Variants in CDH9 observed in about 807,000 individuals in gnomAD.
CDH9 encodes cadherin-9.
A neutral mutation model predicts 70.9 loss-of-function variants in CDH9; 28 were observed. That is an observed-to-expected ratio of 0.40 (90% CI 0.29 to 0.54). The LOEUF is 0.54. Among genes scored for constraint, CDH9 ranks in the 20% least tolerant of loss-of-function variants. The probability of loss-of-function intolerance (pLI) is 0.59; values close to 1 mark genes in which losing one functional copy is unlikely to be tolerated. For missense variants in CDH9, 874 were observed against 984.4 expected, an observed-to-expected ratio of 0.89 and a Z score of 1.50; for synonymous variants, 409 against 343.1, an observed-to-expected ratio of 1.19 and a Z score of -2.12.
chr5:26,903,588 C>T (rs200248466), intron 6 of CDH9, 49 bp downstream of exon 6: 85 of 1,250,096 alleles, frequency 6.8e-5, no homozygotes, highest in Admixed American at 1.3e-4. Context: ...GAAAAGCAAA[C>T]GTAAATTATA....
chr5:27,034,811 G>A (rs1007702108), intron 1 of CDH9, among the ~76,000 whole-genome samples: 1 of 151,630 alleles, frequency 6.6e-6, no homozygotes, highest in Non-Finnish European at 1.5e-5. Flanking sequence ...GCTAAATTTA[G>A]GGATAAGTGC....
chr5:26,982,601 G>A (rs1038175695), intron 2 of CDH9, among the ~76,000 whole-genome samples: 26 of 152,264 alleles, frequency 1.7e-4, no homozygotes, highest in African/African-American at 6.3e-4. Flanking sequence ...CAGAGTGAAA[G>A]CCCAAATGTC....
chr5:27,030,900 ATT>A (rs891486427), intron 1 of CDH9, among the ~76,000 whole-genome samples: 2 of 151,834 alleles, frequency 1.3e-5, no homozygotes, highest in South Asian at 2.1e-4. Flanking sequence ...TATTATTTGA[ATT>A]TTTTTAGTGT....
chr5:27,023,151 C>T (rs1427304631), intron 1 of CDH9, among the ~76,000 whole-genome samples: 1 of 151,920 alleles, frequency 6.6e-6, no homozygotes, highest in South Asian at 2.1e-4. Flanking sequence ...CTTTTGACTC[C>T]CATCCATTGC....
At chr5:26,977,747 C>T (rs1366556956) in intron 2 of CDH9, among the ~76,000 whole-genome samples, 2 of 152,006 alleles carry the variant, frequency 1.3e-5, no homozygotes, top group Admixed American at 6.6e-5. Flanking sequence ...TTGGCATACA[C>T]ATGCATGACA....
intron 2 of CDH9, among the ~76,000 whole-genome samples, chr5:26,935,476 C>T (rs1419344186): frequency 6.6e-6 from 1 of 152,160 alleles, no homozygotes; most frequent in East Asian, 1.9e-4. Context: ...ATGATTGTTC[C>T]TGTACAAAAT....
At chr5:26,927,137 G>GA (rs1741357370) in intron 2 of CDH9, among the ~76,000 whole-genome samples, 1 of 151,834 alleles carries the variant, frequency 6.6e-6, no homozygotes, top group Non-Finnish European at 1.5e-5. Context: ...TGTATCAACA[G>GA]AATAAAGGGA....
intron 1 of CDH9, among the ~76,000 whole-genome samples, chr5:27,015,770 A>G (rs932163487): frequency 5.3e-5 from 8 of 151,708 alleles, no homozygotes; most frequent in African/African-American, 1.7e-4. Context: ...GAGAGTCACC[A>G]CTTTTCAGAG....
chr5:27,006,282 G>A (rs540465345), intron 1 of CDH9, among the ~76,000 whole-genome samples: 43 of 152,206 alleles, frequency 2.8e-4, no homozygotes, highest in African/African-American at 1.0e-3. Context: ...CAGAAATTAT[G>A]TTTACTGTAT....
chr5:26,949,693 C>T (rs757201916), intron 2 of CDH9, among the ~76,000 whole-genome samples: 13 of 152,152 alleles, frequency 8.5e-5, no homozygotes, highest in Non-Finnish European at 1.8e-4. Flanking sequence ...ATCTTGGATA[C>T]TGAGTAGGAC....
At chr5:27,002,693 T>C (rs1742791954) in intron 1 of CDH9, among the ~76,000 whole-genome samples, 1 of 152,064 alleles carries the variant, frequency 6.6e-6, no homozygotes, top group Admixed American at 6.5e-5. Flanking sequence ...CACCGCATGT[T>C]CTCACTCATA....
intron 2 of CDH9, among the ~76,000 whole-genome samples, chr5:26,925,480 T>G (rs751598273): frequency 1.3e-5 from 2 of 152,184 alleles, no homozygotes; most frequent in Non-Finnish European, 2.9e-5. Context: ...TTGCAAATAT[T>G]TTCTCCCATT....
At chr5:27,021,717 G>C (rs554400609) in intron 1 of CDH9, among the ~76,000 whole-genome samples, 1 of 151,758 alleles carries the variant, frequency 6.6e-6, no homozygotes, top group Non-Finnish European at 1.5e-5. Context: ...CCATAGACTG[G>C]GGCAAGATAT....
chr5:26,996,070 A>G (rs1742660520), intron 1 of CDH9, among the ~76,000 whole-genome samples: 1 of 152,002 alleles, frequency 6.6e-6, no homozygotes, highest in Admixed American at 6.6e-5. Flanking sequence ...CTAAAATTAA[A>G]TTAAATTATG....
chr5:26,974,832 G>A (rs2112077434), intron 2 of CDH9, among the ~76,000 whole-genome samples: 1 of 151,760 alleles, frequency 6.6e-6, no homozygotes, highest in Admixed American at 6.6e-5. Context: ...GTGTGTGTGT[G>A]CGTGTGTGTT....
At chr5:26,903,152 T>C (rs1373003972) in intron 6 of CDH9, 6 of 208,566 alleles carry the variant, frequency 2.9e-5, no homozygotes, top group Non-Finnish European at 5.8e-5. Flanking sequence ...GAATAAAAAG[T>C]GAAATAAGGA....
intron 3 of CDH9, 29 bp downstream of exon 3, chr5:26,915,601 G>A: frequency 1.6e-6 from 2 of 1,277,778 alleles, no homozygotes; most frequent in Non-Finnish European, 2.3e-6. Context: ...CAAATAAAAA[G>A]TAGTTTACAT....
chr5:27,005,945 C>T (rs1742858073), intron 1 of CDH9, among the ~76,000 whole-genome samples: 1 of 151,940 alleles, frequency 6.6e-6, no homozygotes, highest in Non-Finnish European at 1.5e-5. Flanking sequence ...CATGTTGTCA[C>T]TTATAAGTAG....
chr5:26,986,798 A>G (rs940280578), intron 2 of CDH9, among the ~76,000 whole-genome samples: 3 of 152,018 alleles, frequency 2.0e-5, no homozygotes. Context: ...GTGAAAAGTG[A>G]TGTTAAATGA....
Sources: gnomAD v4.1 joint callset for allele counts (sites outside exome capture counted in the v4.1 genomes callset) on GRCh38, gnomAD v4.1.1 for gene constraint, MANE v1.5 for transcripts, NCBI Gene and HGNC (gene_info 2026-07-23, HGNC 2026-07-21) for gene names.